The following KHDRBS2 variants were observed in gnomAD, a reference collection of about 807,000 sequenced individuals.
KHDRBS2 encodes the protein KH domain-containing, RNA-binding, signal transduction-associated protein 2.
In KHDRBS2, 26 loss-of-function variants were observed where a neutral mutation model predicts 44.3. The observed-to-expected ratio is 0.59, with a 90% CI of 0.43 to 0.81. The LOEUF is 0.81. Among genes scored for constraint, KHDRBS2 ranks in the 40% least tolerant of loss-of-function variants. The pLI is 0.00. For missense variants in KHDRBS2, 476 were observed against 433.1 expected (o/e 1.10, Z -0.88); for synonymous variants, 194 against 151.1 (o/e 1.28, Z -2.08).
chr6:62,084,640 T>G lies in KHDRBS2; in HGVS notation c.220-36646A>C, dbSNP rs138750292. Among the ~76,000 whole-genome samples, 523 of 152,270 alleles carry G rather than the reference T, an allele frequency of 3.4e-3. 3 individuals carry two copies. Among genetic ancestry groups the G allele is most frequent in the African/African-American group, 0.012 (490 of 41,574 alleles). ...TTTTCTCTGAAATCAACACAATTAT[T>G]CTGAACTAATAAAGATATTTTTAGG... On this transcript the variant is annotated intron_variant, in intron 2 of 8. Coordinates refer to ENST00000281156, the MANE Select transcript of KHDRBS2 (RefSeq NM_152688.4).
At chr6:62,046,401 A>C (rs1787698690) in intron 3 of KHDRBS2, among the ~76,000 whole-genome samples, 2 of 151,970 alleles carry the variant, frequency 1.3e-5, no homozygotes. Flanking sequence ...CCTGGAGATA[A>C]AAACAGATAC....
intron 4 of KHDRBS2, 57 bp from the exon 5 acceptor site, chr6:61,901,428 G>T: frequency 2.4e-6 from 3 of 1,268,816 alleles, no homozygotes; most frequent in Non-Finnish European, 3.1e-6. Flanking sequence ...TCTCAGAGTT[G>T]GAAAAAAAAA....
At chr6:61,996,388 C>A (rs543118036) in intron 3 of KHDRBS2, among the ~76,000 whole-genome samples, 20 of 152,164 alleles carry the variant, frequency 1.3e-4, no homozygotes, top group Non-Finnish European at 2.8e-4. Flanking sequence ...AAATAAAACA[C>A]TATTTAAATC....
At chr6:62,271,309 C>T (rs1840050717) in intron 1 of KHDRBS2, among the ~76,000 whole-genome samples, 2 of 152,078 alleles carry the variant, frequency 1.3e-5, no homozygotes, top group Admixed American at 1.3e-4. Context: ...ATATCTAGCA[C>T]AATGCATTAC....
chr6:62,042,592 T>C (rs1021549613), intron 3 of KHDRBS2, among the ~76,000 whole-genome samples: 7 of 152,216 alleles, frequency 4.6e-5, no homozygotes, highest in Middle Eastern at 3.4e-3. Context: ...GAGAGACTAT[T>C]ATGCTGTTTG....
At chr6:62,227,045 C>G (rs1416183507) in intron 1 of KHDRBS2, among the ~76,000 whole-genome samples, 1 of 152,140 alleles carries the variant, frequency 6.6e-6, no homozygotes. Flanking sequence ...GTATTATTTT[C>G]TAATTCTGTG....
chr6:61,959,138 C>T (rs1339179330), intron 4 of KHDRBS2, among the ~76,000 whole-genome samples: 3 of 152,170 alleles, frequency 2.0e-5, no homozygotes, highest in Admixed American at 1.3e-4. Context: ...GTTTCTCTGC[C>T]TTCACAATCA....
At chr6:61,616,590 T>C in the KHDRBS2 span, among the ~76,000 whole-genome samples, 1 of 150,582 alleles carries the variant, frequency 6.6e-6, no homozygotes, top group South Asian at 2.1e-4. Flanking sequence ...GATTGATTGA[T>C]TAGGGTAGAT....
rs568518543 is a variant in KHDRBS2 at position 62,077,422 on chromosome 6, G to A, written c.220-29428C>T. Among the ~76,000 whole-genome samples, 30 of 152,132 alleles carry A rather than the reference G, an allele frequency of 2.0e-4. No homozygotes were observed. The South Asian group carries it at 6.2e-3, about 31-fold the overall frequency. Reference sequence around the variant, plus strand: ...AAAAGTGTTGCAGTCAAGGACTCAGGCCTTCAGGCTAGCCAATACTCATAT... The same window carrying A: ...AAAAGTGTTGCAGTCAAGGACTCAGACCTTCAGGCTAGCCAATACTCATAT... On this transcript the variant is annotated intron_variant, in intron 2 of 8. Coordinates refer to ENST00000281156, the MANE Select transcript of KHDRBS2 (RefSeq NM_152688.4).
rs554006848 is a variant in KHDRBS2 at position 61,873,478 on chromosome 6, C to T, written c.810+21157G>A. 2.6e-5 allele frequency among the ~76,000 whole-genome samples: 4 copies of T among 151,528 alleles called. No individual in the cohort carries two copies. In the South Asian group the frequency reaches 6.3e-4, roughly 24 times the overall value. On this transcript the variant is annotated intron_variant, in intron 6 of 8. Transcript: ENST00000281156. ...TTTCATACTTGATTAGTTGGCAAAA[C>T]GTGGAGAACTAAGGACAGTAATAAC... is the stretch of plus-strand genomic sequence containing the variant.
chr6:61,625,961 T>C, the KHDRBS2 span, among the ~76,000 whole-genome samples: 1 of 152,244 alleles, frequency 6.6e-6, no homozygotes, highest in Non-Finnish European at 1.5e-5. Context: ...ATTTTGATTA[T>C]GTGAGCAAAT....
chr6:61,914,448 G>A (rs996682295), intron 4 of KHDRBS2, among the ~76,000 whole-genome samples: 1 of 145,036 alleles, frequency 6.9e-6, no homozygotes, highest in African/African-American at 2.6e-5. Flanking sequence ...TCATAGGTGG[G>A]AACTGAACAA....
chr6:62,083,565 G>C (rs1239302926), intron 2 of KHDRBS2, among the ~76,000 whole-genome samples: 1 of 152,058 alleles, frequency 6.6e-6, no homozygotes, highest in Non-Finnish European at 1.5e-5. Context: ...TGGGGTCCAG[G>C]GGTTTTAGGC....
At chr6:61,695,175 C>T (rs1286257296) in intron 8 of KHDRBS2, among the ~76,000 whole-genome samples, 1 of 152,022 alleles carries the variant, frequency 6.6e-6, no homozygotes, top group African/African-American at 2.4e-5. Context: ...AGTACCACAT[C>T]CTGTTCTTTT....
Position 62,120,711 on chromosome 6 carries a change from G to A in KHDRBS2, c.219+56474C>T, listed in dbSNP as rs571405937. On this transcript the variant is annotated intron_variant, in intron 2 of 8. Coordinates refer to ENST00000281156, the MANE Select transcript of KHDRBS2 (RefSeq NM_152688.4). The stretch of plus-strand genomic sequence containing the variant: ...AAGTAGAAAACTTCCAGGTTGAGTG[G>A]ACAAATGAATAATTTAAATTATAAA... Among the ~76,000 whole-genome samples the A allele has an allele frequency of 1.6e-3, 247 of 152,224 alleles. 1 individual carries two copies. The highest frequency in any genetic ancestry group is 5.8e-3 in the African/African-American group (240 of 41,530).
At chr6:61,983,433 C>G (rs564026018) in intron 3 of KHDRBS2, among the ~76,000 whole-genome samples, 4 of 151,572 alleles carry the variant, frequency 2.6e-5, no homozygotes, top group East Asian at 1.9e-4. Flanking sequence ...GGAAAACTGG[C>G]CTGATACTTA....
chr6:61,827,284 G>A (rs964683666), intron 6 of KHDRBS2, among the ~76,000 whole-genome samples: 1 of 152,180 alleles, frequency 6.6e-6, no homozygotes, highest in African/African-American at 2.4e-5. Flanking sequence ...GTTGGGAGGA[G>A]GATGTTAACG....
chr6:62,092,240 A>G (rs1191994466), intron 2 of KHDRBS2, among the ~76,000 whole-genome samples: 7 of 151,988 alleles, frequency 4.6e-5, no homozygotes, highest in Admixed American at 4.6e-4. Context: ...CTGCAACCCC[A>G]CTGCATAACT....
At chr6:62,001,425 C>A (rs1458034824) in intron 3 of KHDRBS2, among the ~76,000 whole-genome samples, 1 of 150,114 alleles carries the variant, frequency 6.7e-6, no homozygotes, top group African/African-American at 2.5e-5. Flanking sequence ...TACTGTGACA[C>A]TACATTAAAA....
Sources: allele counts gnomAD v4.1 joint callset (sites outside exome capture counted in the v4.1 genomes callset), GRCh38; gene constraint gnomAD v4.1.1; transcripts MANE v1.5; gene names NCBI Gene and HGNC (gene_info 2026-07-23, HGNC 2026-07-21).